Variants in PHTF2 observed in about 807,000 individuals in gnomAD.
PHTF2 encodes protein PHTF2.
PHTF2 carries 60 observed loss-of-function variants against 101.2 expected under a neutral mutation model. That is an observed-to-expected ratio of 0.59 (90% confidence interval 0.48 to 0.73). The LOEUF (loss-of-function observed/expected upper bound fraction) is 0.73, where lower values mean the gene tolerates loss of function less well. PHTF2 is among the 30% of genes least tolerant of loss of function. The pLI, the probability that PHTF2 is intolerant of heterozygous loss-of-function variation, is 0.00. For missense variants in PHTF2, 747 were observed against 908.7 expected (o/e 0.82, Z 2.29); for synonymous variants, 311 against 307.3 (o/e 1.01, Z -0.13).
chr7:77,953,697 T>C (rs1806743777), intron 18 of PHTF2, 72 bp from the exon 18 acceptor site: 2 of 1,302,960 alleles, frequency 1.5e-6, no homozygotes, highest in African/African-American at 1.5e-5. Flanking sequence ...TTAATTCTCA[T>C]TGTATATTGT....
At chr7:77,892,318 T>A (rs1424235502) in intron 3 of PHTF2, among the ~76,000 whole-genome samples, 1 of 152,262 alleles carries the variant, frequency 6.6e-6, no homozygotes, top group Non-Finnish European at 1.5e-5. Context: ...CATTAAAGGT[T>A]CTTATCAAGT....
chr7:77,805,263 G>A (rs1792882325), intron 1 of PHTF2, among the ~76,000 whole-genome samples: 1 of 152,062 alleles, frequency 6.6e-6, no homozygotes, highest in African/African-American at 2.4e-5. Context: ...ATATAGTGCT[G>A]TCCTCTCTCT....
In PHTF2 at chr7:77,877,141, A is replaced by T. The variant is rs554074986; in HGVS notation, c.148-16467A>T. Reference sequence around the variant, plus strand: ...TTTTTTTTTTTTTTTTTTGAGACAGAGTTTCGCTCTGTCACCCAGGCTGGA... The same window carrying T: ...TTTTTTTTTTTTTTTTTTGAGACAGTGTTTCGCTCTGTCACCCAGGCTGGA... On this transcript the variant is annotated intron_variant, in intron 3 of 19. Coordinates refer to ENST00000416283, the Ensembl canonical transcript of PHTF2. 6.9e-5 allele frequency among the ~76,000 whole-genome samples: 10 copies of T among 144,020 alleles called. No homozygotes were observed. In the South Asian group the frequency reaches 2.2e-3, roughly 32 times the overall value. 94.5% of individuals were successfully genotyped at this position (144,020 alleles called of 152,430 possible). A position where few individuals can be genotyped will look rare whatever the true frequency, so the allele number is the denominator to read the frequency against.
At chr7:77,825,642 TAA>T (rs1794645955) in intron 1 of PHTF2, among the ~76,000 whole-genome samples, 2 of 152,150 alleles carry the variant, frequency 1.3e-5, no homozygotes, top group African/African-American at 4.8e-5. Flanking sequence ...AAAAGTAGAT[TAA>T]GAGTAGTTCC....
chr7:77,901,796 T>C (rs78163487), exon 7 of PHTF2: 111,785 of 1,553,768 alleles, frequency 0.072, 5,472 homozygotes, highest in African/African-American at 0.2. Context: ...CTGAAAGTCC[T>C]TGGACTTCTC....
At chr7:77,801,728 A>G (rs1483922745) in intron 1 of PHTF2, among the ~76,000 whole-genome samples, 3 of 152,256 alleles carry the variant, frequency 2.0e-5, no homozygotes, top group Non-Finnish European at 4.4e-5. Context: ...TTTAGACTTG[A>G]GTCCCATCTC....
At chr7:77,912,597 A>C (rs1584687517) in intron 9 of PHTF2, among the ~76,000 whole-genome samples, 1 of 151,798 alleles carries the variant, frequency 6.6e-6, no homozygotes, top group African/African-American at 2.4e-5. Context: ...CAGATACCTA[A>C]GCTTTGTGTA....
chr7:77,863,851 A>G (rs1486406960), intron 3 of PHTF2, among the ~76,000 whole-genome samples: 1 of 149,172 alleles, frequency 6.7e-6, no homozygotes, highest in Non-Finnish European at 1.5e-5. Flanking sequence ...CAGTGGCACG[A>G]TCATGGCTCA....
intron 3 of PHTF2, among the ~76,000 whole-genome samples, chr7:77,884,039 T>C (rs1799616754): frequency 6.6e-6 from 1 of 152,202 alleles, no homozygotes; most frequent in Non-Finnish European, 1.5e-5. Context: ...ACCTTGTCCA[T>C]GTCCATGAGG....
chr7:77,946,468 A>G (rs1806057429), intron 16 of PHTF2, among the ~76,000 whole-genome samples: 1 of 152,222 alleles, frequency 6.6e-6, no homozygotes, highest in South Asian at 2.1e-4. Flanking sequence ...GTTTGGGGAA[A>G]AACAATCGTA....
At chr7:77,903,817 G>A (rs1376014018) in intron 7 of PHTF2, among the ~76,000 whole-genome samples, 1 of 152,162 alleles carries the variant, frequency 6.6e-6, no homozygotes. Context: ...AGCACCCTGT[G>A]GAAAAGCAGG....
chr7:77,941,136 T>A (rs1805607544), intron 15 of PHTF2, among the ~76,000 whole-genome samples: 2 of 152,190 alleles, frequency 1.3e-5, no homozygotes, highest in South Asian at 4.1e-4. Flanking sequence ...ATTCCAATGA[T>A]ATTTATTCAC....
intron 5 of PHTF2, among the ~76,000 whole-genome samples, chr7:77,897,846 A>G (rs1397325217): frequency 2.6e-5 from 4 of 151,922 alleles, no homozygotes. Context: ...ACGCCTGACT[A>G]ATTTTTGTAT....
intron 3 of PHTF2, among the ~76,000 whole-genome samples, chr7:77,882,539 T>C (rs1212989442): frequency 6.6e-6 from 1 of 152,138 alleles, no homozygotes; most frequent in African/African-American, 2.4e-5. Context: ...TCAATAATAT[T>C]TATTCCATGG....
At chr7:77,925,501 T>G (rs1160171379) in intron 11 of PHTF2, among the ~76,000 whole-genome samples, 2 of 93,898 alleles carry the variant, frequency 2.1e-5, no homozygotes, top group East Asian at 5.4e-4. Flanking sequence ...TAGGGTTTTT[T>G]TTTTTTTTTT....
At chr7:77,806,999 C>T (rs984099767) in intron 1 of PHTF2, among the ~76,000 whole-genome samples, 3 of 152,084 alleles carry the variant, frequency 2.0e-5, no homozygotes, top group Admixed American at 1.3e-4. Flanking sequence ...TTAGTCAGTT[C>T]TCTTTTAAAG....
rs749115591 is a variant in PHTF2, at chr7:77,929,137, G to C, written c.1148G>C (p.Ser383Thr). The C allele has an allele frequency of 6.2e-6, 10 of 1,613,706 alleles. No individual in the cohort carries two copies. In the Admixed American group the frequency reaches 1.7e-4, roughly 27 times the overall value. The change falls in exon 12 of 20, where the codon AGC becomes ACC. Residue 383 changes from serine (S) to threonine (T), a missense_variant. Around this residue, in one of 6 missense-constraint regions of PHTF2, gnomAD observed 349 missense variants for 369.7 expected, o/e 0.94. Transcript: ENST00000416283. ...GCCCCTAAATCGGGTACTAGTTGCA[G>C]CTCTCGCTGTTCAAGTTCCAGACAG... is the stretch of plus-strand genomic sequence containing the variant.
intron 9 of PHTF2, among the ~76,000 whole-genome samples, chr7:77,910,856 C>T (rs1802325528): frequency 6.6e-6 from 1 of 152,026 alleles, no homozygotes; most frequent in Non-Finnish European, 1.5e-5. Flanking sequence ...TTGGCCAGAC[C>T]TCGGCCTCCT....
intron 3 of PHTF2, among the ~76,000 whole-genome samples, chr7:77,864,409 G>A (rs1562888792): frequency 1.3e-5 from 2 of 152,128 alleles, no homozygotes; most frequent in Admixed American, 6.6e-5. Context: ...ACTCGTCAAA[G>A]CCTTTCTTTC....
Sources: allele counts gnomAD v4.1 joint callset (sites outside exome capture counted in the v4.1 genomes callset), GRCh38; gene constraint gnomAD v4.1.1; regional missense constraint gnomAD v4.1.1; transcripts MANE v1.5; gene names NCBI Gene and HGNC (gene_info 2026-07-23, HGNC 2026-07-21).